Variants in ADGRL3 observed in about 807,000 individuals in gnomAD.
ADGRL3 encodes calcium-independent alpha-latrotoxin receptor 3.
In ADGRL3, 62 loss-of-function variants were observed where a neutral mutation model predicts 153.5. The ratio of observed to expected loss-of-function variants is 0.40; its 90% CI spans 0.33 to 0.50. The LOEUF is 0.50. Among genes scored for constraint, ADGRL3 ranks in the 20% least tolerant of loss-of-function variants. The probability of loss-of-function intolerance (pLI) is 0.47; values close to 1 mark genes in which losing one functional copy is unlikely to be tolerated. For synonymous variants in ADGRL3, 710 were observed against 672.5 expected (o/e 1.06, Z -0.86); for missense variants, 1,641 against 1,859.4 (o/e 0.88, Z 2.16).
At chr4:61,672,391 A>G (rs2095039192) in intron 5 of ADGRL3, among the ~76,000 whole-genome samples, 2 of 152,108 alleles carry the variant, frequency 1.3e-5, no homozygotes, top group African/African-American at 4.8e-5. Flanking sequence ...CGGGCTATCT[A>G]TTCTGTACCA....
intron 5 of ADGRL3, among the ~76,000 whole-genome samples, chr4:61,605,157 A>G (rs2099027628): frequency 6.6e-6 from 1 of 151,322 alleles, no homozygotes. Flanking sequence ...TGATCACAAA[A>G]TCTACAAAAA....
intron 1 of ADGRL3, among the ~76,000 whole-genome samples, chr4:61,253,115 T>C (rs72633448): frequency 0.13 from 19,443 of 152,256 alleles, 1,349 homozygotes; most frequent in Middle Eastern, 0.18. Context: ...CAGGCAGCCA[T>C]CTACAGGTGA....
At chr4:61,458,882 A>G (rs939820019) in intron 2 of ADGRL3, among the ~76,000 whole-genome samples, 6 of 151,332 alleles carry the variant, frequency 4.0e-5, no homozygotes, top group African/African-American at 9.7e-5. Context: ...TTTCAGTTCC[A>G]TATATTTTTC....
intron 19 of ADGRL3, 58 bp downstream of exon 19, chr4:61,983,661 C>T (rs1158366338): frequency 6.6e-7 from 1 of 1,504,928 alleles, no homozygotes; most frequent in Non-Finnish European, 9.2e-7. Flanking sequence ...GTTGGACTTT[C>T]TTGGAAGCAA....
chr4:62,074,321 G>A lies in ADGRL3; in HGVS notation c.*3413G>A, dbSNP rs899424146. The A allele has an allele frequency of 1.7e-4, 26 of 152,064 alleles. No individual in the cohort carries two copies. The highest frequency in any genetic ancestry group is 6.3e-4 in the African/African-American group (26 of 41,488). 9.4% of individuals were successfully genotyped at this position (152,064 alleles called of 1,614,324 possible). A position where few individuals can be genotyped will look rare whatever the true frequency, so the allele number is the denominator to read the frequency against. On this transcript the variant is annotated 3_prime_UTR_variant, in exon 27 of 27. Transcript: ENST00000683033. Reference sequence around the variant, plus strand: ...TACTTTCTTGTCAAATAATATTTTTGTCACATTTTTAGACTTGGTTGTTTT... The same window carrying A: ...TACTTTCTTGTCAAATAATATTTTTATCACATTTTTAGACTTGGTTGTTTT...
intron 1 of ADGRL3, among the ~76,000 whole-genome samples, chr4:61,266,457 A>G (rs960398941): frequency 2.6e-4 from 39 of 151,820 alleles, no homozygotes; most frequent in Admixed American, 3.9e-4. Flanking sequence ...CATGCCATTC[A>G]ATTTTAACAT....
Position 61,205,818 on chromosome 4 carries a change from A to T in ADGRL3, c.-240+4053A>T, listed in dbSNP as rs548952570. Among the ~76,000 whole-genome samples the T allele has an allele frequency of 2.6e-5, 4 of 152,300 alleles. No individual in the cohort carries two copies. In the East Asian group the frequency reaches 7.7e-4, roughly 29 times the overall value. ...TTCATTCATTGTAATACATTGTGAG[A>T]ATGTAGCGTGAGCATGCTTGTAAAT... On this transcript the variant is annotated intron_variant, in intron 1 of 26. Coordinates refer to ENST00000683033, the MANE Select transcript of ADGRL3 (RefSeq NM_001387552.1).
intron 1 of ADGRL3, among the ~76,000 whole-genome samples, chr4:61,227,604 G>GACTGA (rs74279478): frequency 0.16 from 24,311 of 151,932 alleles, 2,485 homozygotes; most frequent in East Asian, 0.48. Flanking sequence ...TTTTTTCTTT[G>GACTGA]ACTGAACTGA....
chr4:61,417,600 G>T (rs563380778), intron 2 of ADGRL3, among the ~76,000 whole-genome samples: 10 of 147,486 alleles, frequency 6.8e-5, no homozygotes, highest in African/African-American at 1.9e-4. Context: ...CTTGTTTGAG[G>T]TGATTTTTTT....
chr4:61,938,887 AT>A (rs1553888030), intron 15 of ADGRL3, among the ~76,000 whole-genome samples: 6 of 138,432 alleles, frequency 4.3e-5, no homozygotes, highest in Middle Eastern at 3.7e-3. Flanking sequence ...AAAAAAAAAA[AT>A]TTTTTTTTTT....
At chr4:61,545,338 A>G (rs1464788313) in intron 4 of ADGRL3, among the ~76,000 whole-genome samples, 3 of 152,164 alleles carry the variant, frequency 2.0e-5, no homozygotes, top group African/African-American at 7.2e-5. Context: ...GGCAGGAAAA[A>G]GTAGAAGCTG....
intron 4 of ADGRL3, among the ~76,000 whole-genome samples, chr4:61,532,650 C>G (rs781444968): frequency 2.0e-5 from 3 of 150,594 alleles, no homozygotes; most frequent in Non-Finnish European, 4.4e-5. Context: ...AGGATGATGC[C>G]TGTTAGATGA....
intron 24 of ADGRL3, among the ~76,000 whole-genome samples, chr4:62,040,951 A>C (rs1727937946): frequency 6.6e-6 from 1 of 152,102 alleles, no homozygotes; most frequent in Non-Finnish European, 1.5e-5. Flanking sequence ...GCTAATGCAA[A>C]GCCTTTACAG....
At chr4:61,951,305 C>T (rs1275819223) in intron 17 of ADGRL3, among the ~76,000 whole-genome samples, 5 of 152,094 alleles carry the variant, frequency 3.3e-5, no homozygotes, top group Non-Finnish European at 5.9e-5. Context: ...GAGTTCTGCA[C>T]CTGTACATGG....
At chr4:61,579,864 G>C (rs967787675) in intron 4 of ADGRL3, among the ~76,000 whole-genome samples, 3 of 152,052 alleles carry the variant, frequency 2.0e-5, no homozygotes, top group African/African-American at 7.2e-5. Context: ...TGTATTAGAA[G>C]TCTCCTGAGA....
intron 15 of ADGRL3, among the ~76,000 whole-genome samples, chr4:61,936,620 T>C (rs1242615357): frequency 6.6e-6 from 1 of 152,050 alleles, no homozygotes; most frequent in Non-Finnish European, 1.5e-5. Context: ...TTCACTAATA[T>C]TAAAAAATGT....
intron 4 of ADGRL3, among the ~76,000 whole-genome samples, chr4:61,534,123 A>T (rs146638526): frequency 2.0e-5 from 3 of 151,938 alleles, no homozygotes; most frequent in African/African-American, 7.3e-5. Context: ...ATTTTTCTAT[A>T]TGGTTGAGAG....
chr4:61,832,483 A>G (rs2097883195), intron 9 of ADGRL3, among the ~76,000 whole-genome samples: 1 of 152,180 alleles, frequency 6.6e-6, no homozygotes, highest in Non-Finnish European at 1.5e-5. Context: ...TAGTCAGAAA[A>G]GGAAATTCTG....
chr4:61,457,253 T>C (rs546694775), intron 2 of ADGRL3, among the ~76,000 whole-genome samples: 82 of 152,132 alleles, frequency 5.4e-4, no homozygotes, highest in Non-Finnish European at 8.8e-4. Context: ...CATAGTCGTA[T>C]TGTAGTCATT....
Sources: gnomAD v4.1 joint callset for allele counts (sites outside exome capture counted in the v4.1 genomes callset) on GRCh38, gnomAD v4.1.1 for gene constraint, MANE v1.5 for transcripts, NCBI Gene and HGNC (gene_info 2026-07-23, HGNC 2026-07-21) for gene names.